CDH15: variants seen among roughly 807,000 people sequenced by gnomAD.
The protein encoded by CDH15 is cadherin-15.
Under a neutral mutation model 69.4 loss-of-function variants are expected in CDH15, and 73 were observed. The ratio of observed to expected loss-of-function variants is 1.05; its 90% CI spans 0.87 to 1.28. CDH15 has a LOEUF of 1.28. Among genes scored for constraint, CDH15 ranks in the 50% most tolerant of loss-of-function variants. The pLI, the probability that CDH15 is intolerant of heterozygous loss-of-function variation, is 0.00. For synonymous variants in CDH15, 624 were observed against 507.7 expected (o/e 1.23, Z -3.08); for missense variants, 1,343 against 1,133.6 (o/e 1.18, Z -2.65).
At chr16:89,175,801 C>T (rs914853021) in intron 1 of CDH15, among the ~76,000 whole-genome samples, 1 of 152,218 alleles carries the variant, frequency 6.6e-6, no homozygotes, top group Non-Finnish European at 1.5e-5. Context: ...GCCTGAGGAA[C>T]CCCCACCCCA....
Position 89,183,182 on chromosome 16 carries a change from C to CAA in CDH15, c.358-356_358-355dup, listed in dbSNP as rs112228543. 699 of 177,464 alleles carry CAA rather than the reference C, an allele frequency of 3.9e-3. 2 individuals are homozygous for CAA. Among genetic ancestry groups the CAA allele is most frequent in the South Asian group, 0.033 (284 of 8,724 alleles). The allele number at this position is 177,464 out of a possible 1,614,324, so 11.0% of individuals were successfully genotyped here. A position where few individuals can be genotyped will look rare whatever the true frequency, so the allele number is the denominator to read the frequency against. ...GGGCAACAAGAGTGAAACTCTATCT[C>CAA]AAAAAAAAAAACAAAAAACAAAAAC... is the stretch of plus-strand genomic sequence containing the variant. On this transcript the variant is annotated intron_variant, in intron 3 of 13. Coordinates refer to ENST00000289746, the MANE Select transcript of CDH15 (RefSeq NM_004933.3).
chr16:89,176,865 C>A (rs1298092446), intron 1 of CDH15, among the ~76,000 whole-genome samples: 4 of 149,870 alleles, frequency 2.7e-5, no homozygotes, highest in African/African-American at 1.0e-4. Flanking sequence ...CTGCCTGGGA[C>A]CCCCAGCACC....
Position 89,193,869 on chromosome 16 carries a change from G to T in CDH15, c.2107G>T (p.Val703Leu), listed in dbSNP as rs750425641. The change falls in exon 13 of 14, where the codon GTG becomes TTG. Residue 703 changes from valine (V) to leucine (L), a missense_variant. By Grantham distance (32) the Val-to-Leu change is conservative. Transcript: ENST00000289746. ...QGRLHPQPPR[V>L]LPTSPLDIAD... is the part of the protein sequence containing the mutation. ...CCGCCTGCACCCCCAGCCACCCCGA[G>T]TGCTGCCCACCAGCCCCCTGGACAT... 6.2e-7 allele frequency: 1 copy of T among 1,612,080 alleles called. No individual in the cohort carries two copies. The highest frequency in any genetic ancestry group is 1.7e-5 in the Admixed American group (1 of 60,002).
At chr16:89,174,842 G>A (rs967506197) in intron 1 of CDH15, among the ~76,000 whole-genome samples, 3 of 152,268 alleles carry the variant, frequency 2.0e-5, no homozygotes, top group East Asian at 1.9e-4. Flanking sequence ...GGGTGCTTGC[G>A]TCCCCTACCC....
In CDH15 at chr16:89,191,869, GA is replaced by G; in HGVS notation, c.1592del (p.Asn531ThrfsTer9). 6.3e-7 allele frequency: 1 copy of G among 1,591,726 alleles called. No individual in the cohort carries two copies. The highest frequency in any genetic ancestry group is 1.1e-5 in the South Asian group (1 of 89,374). On this transcript the variant is annotated frameshift_variant, in exon 10 of 14. Transcript: ENST00000289746. LOFTEE classifies it high-confidence loss of function. ...GCCCCAGGCTCCCAGAGCTCGGCCG[GA>G]ACTGGAGCCTCAGCCAGGTCAACGG... Reference protein sequence around the residue: ...LSPRLPELGRNWSLSQVNVSH... With the variant: ...LSPRLPELGRXWSLSQVNVSH...
At chr16:89,178,431 G>A (rs1213584803) in intron 1 of CDH15, among the ~76,000 whole-genome samples, 1 of 152,206 alleles carries the variant, frequency 6.6e-6, no homozygotes, top group East Asian at 1.9e-4. Context: ...TGAAGTATTG[G>A]GGTGAAGAGA....
chr16:89,191,083 A>G (rs557731773), intron 8 of CDH15, among the ~76,000 whole-genome samples: 149 of 99,400 alleles, frequency 1.5e-3, no homozygotes, highest in African/African-American at 4.4e-3. Context: ...GGTGGGGGGG[A>G]GTGTCTATGT....
chr16:89,187,978 G>A, intron 6 of CDH15, 122 bp from the exon 7 acceptor site: 1 of 885,748 alleles, frequency 1.1e-6, no homozygotes, highest in East Asian at 2.7e-5. Flanking sequence ...AGCAAGGGAG[G>A]GTGTTCCTGC....
intron 6 of CDH15, 86 bp from the exon 7 acceptor site, chr16:89,188,014 G>T: frequency 2.2e-6 from 2 of 914,522 alleles, no homozygotes; most frequent in Non-Finnish European, 3.3e-6. Context: ...AGGGTGGGAG[G>T]GGAGGGTGGG....
chr16:89,180,877 C>T (rs1915360950), intron 3 of CDH15, among the ~76,000 whole-genome samples: 2 of 151,728 alleles, frequency 1.3e-5, no homozygotes, highest in Non-Finnish European at 2.9e-5. Flanking sequence ...GCCCCTGCCA[C>T]CATGCCCGGC....
Position 89,193,897 on chromosome 16 carries a change from C to T in CDH15, c.2135C>T (p.Ala712Val), listed in dbSNP as rs1284936763. ...CTGCCCACCAGCCCCCTGGACATCG[C>T]CGACTTCATCAATGATGTAGGTGCT... Reference protein sequence around the residue: ...RVLPTSPLDIADFINDGLEAA... With the variant: ...RVLPTSPLDIVDFINDGLEAA... Residue 712 changes from alanine (A) to valine (V), a missense_variant, in exon 13 of 14, where the codon GCC becomes GTC. Coordinates refer to ENST00000289746, the MANE Select transcript of CDH15 (RefSeq NM_004933.3). 1 of 1,612,200 alleles carries T rather than the reference C, an allele frequency of 6.2e-7. No homozygotes were observed. The highest frequency in any genetic ancestry group is 8.5e-7 in the Non-Finnish European group (1 of 1,179,788).
intron 3 of CDH15, 28 bp downstream of exon 3, chr16:89,180,383 C>G (rs1915350412): frequency 1.2e-6 from 2 of 1,605,206 alleles, no homozygotes; most frequent in East Asian, 4.5e-5. Flanking sequence ...CGGACCTGTG[C>G]CCCTCAAGCA....
intron 4 of CDH15, 87 bp from the exon 5 acceptor site, chr16:89,185,086 C>A: frequency 7.6e-7 from 1 of 1,313,860 alleles, no homozygotes; most frequent in Non-Finnish European, 1.1e-6. Flanking sequence ...GGAGCCTGTG[C>A]ACACGAGGTG....
intron 1 of CDH15, among the ~76,000 whole-genome samples, chr16:89,173,531 G>C (rs531371111): frequency 1.3e-5 from 2 of 152,274 alleles, no homozygotes; most frequent in African/African-American, 4.8e-5. Flanking sequence ...GTGGGGGCCA[G>C]ATGGCAAGGG....
chr16:89,188,621 G>C (rs1326288062), intron 7 of CDH15, among the ~76,000 whole-genome samples: 1 of 83,852 alleles, frequency 1.2e-5, no homozygotes, highest in Non-Finnish European at 2.3e-5. Context: ...CACAGATGCC[G>C]GCACACACAG....
At position 89,185,341 on chromosome 16, in the gene CDH15, G is replaced by A. The variant is rs757633036; in HGVS notation, c.663+8G>A. The A allele has an allele frequency of 1.9e-6, 3 of 1,592,680 alleles. No individual in the cohort carries two copies. In the Admixed American group the frequency reaches 5.2e-5, roughly 28 times the overall value. ...GTGGGGCTGGACCGCGAGGTGAGGT[G>A]GCGCCCCGGCAGCTCCACACCCGCA... is the stretch of plus-strand genomic sequence containing the variant. On this transcript the variant is annotated splice_region_variant and intron_variant, in intron 5 of 13. Coordinates refer to ENST00000289746, the MANE Select transcript of CDH15 (RefSeq NM_004933.3).
At chr16:89,193,302 C>T (rs1465987741) in intron 11 of CDH15, among the ~76,000 whole-genome samples, 168 bp from the exon 12 acceptor site, 1 of 146,594 alleles carries the variant, frequency 6.8e-6, no homozygotes, top group African/African-American at 2.6e-5. Context: ...TCCCCAACCC[C>T]GGCTCCTCCA....
At position 89,193,865 on chromosome 16, in the gene CDH15, C is replaced by G. The variant is rs753634141; in HGVS notation, c.2103C>G (p.Pro701=). 1.2e-6 allele frequency: 2 copies of G among 1,611,978 alleles called. No homozygotes were observed. The highest frequency in any genetic ancestry group is 3.3e-5 in the Admixed American group (2 of 59,984). ...AGGGCCGCCTGCACCCCCAGCCACC[C>G]CGAGTGCTGCCCACCAGCCCCCTGG... ...APQGRLHPQP[P]RVLPTSPLDI... The change falls in exon 13 of 14, where the codon CCC becomes CCG. Residue 701 remains proline, a synonymous_variant. Coordinates refer to ENST00000289746, the MANE Select transcript of CDH15 (RefSeq NM_004933.3).
chr16:89,172,023 T>A, intron 1 of CDH15, 150 bp downstream of exon 1: 1 of 753,962 alleles, frequency 1.3e-6, no homozygotes, highest in East Asian at 2.7e-5. Flanking sequence ...GGTGGGTCCC[T>A]GGGCTGGGGG....
Sources: allele counts gnomAD v4.1 joint callset (sites outside exome capture counted in the v4.1 genomes callset), GRCh38; gene constraint gnomAD v4.1.1; transcripts MANE v1.5; gene names NCBI Gene and HGNC (gene_info 2026-07-23, HGNC 2026-07-21).